PPARGC1A: variants seen among roughly 807,000 people sequenced by gnomAD.
PPARGC1A encodes peroxisome proliferator-activated receptor gamma coactivator 1-alpha.
In PPARGC1A, 25 loss-of-function variants were observed where a neutral mutation model predicts 88.7. The observed-to-expected ratio is 0.28, with a 90% confidence interval of 0.21 to 0.39. The LOEUF (loss-of-function observed/expected upper bound fraction) is 0.39, where lower values mean the gene tolerates loss of function less well. PPARGC1A is among the 10% of genes least tolerant of loss of function. PPARGC1A has a pLI of 1.00. For synonymous variants in PPARGC1A, 363 were observed against 355.6 expected, an observed-to-expected ratio of 1.02 and a Z score of -0.24; for missense variants, 880 against 968.7, an observed-to-expected ratio of 0.91 and a Z score of 1.22.
the PPARGC1A span, among the ~76,000 whole-genome samples, chr4:23,954,282 A>G: frequency 1.3e-5 from 2 of 152,142 alleles, no homozygotes; most frequent in African/African-American, 4.8e-5. Flanking sequence ...CTGTGTTGAT[A>G]CAGTTTTCAT....
At position 23,824,309 on chromosome 4, in the gene PPARGC1A, G is replaced by A. The variant is rs1380371641; in HGVS notation, c.848C>T (p.Thr283Ile). 1 of 1,613,454 alleles carries A rather than the reference G, an allele frequency of 6.2e-7. No homozygotes were observed. The highest frequency in any genetic ancestry group is 8.5e-7 in the Non-Finnish European group (1 of 1,179,640). Reference protein sequence around the residue: ...SPFENKTIERTLSVELSGTAG... With the variant: ...SPFENKTIERILSVELSGTAG... ...AGTTCCAGAGAGTTCCACACTTAAG[G>A]TGCGTTCAATAGTCTTGTTCTCAAA... The change falls in exon 7 of 13, where the codon ACC becomes ATC. Residue 283 changes from threonine (T) to isoleucine (I), a missense_variant. Transcript: ENST00000264867.
At chr4:24,460,744 T>A in the PPARGC1A span, among the ~76,000 whole-genome samples, 1 of 152,166 alleles carries the variant, frequency 6.6e-6, no homozygotes, top group Non-Finnish European at 1.5e-5. Flanking sequence ...AGGATTTCAT[T>A]AGCACTGCTT....
At chr4:24,352,597 G>A in the PPARGC1A span, among the ~76,000 whole-genome samples, 10 of 152,144 alleles carry the variant, frequency 6.6e-5, no homozygotes, top group Non-Finnish European at 1.2e-4. Context: ...CTGAGGACTC[G>A]GTTCAAAAGC....
chr4:23,844,281 G>T (rs1180385610), intron 2 of PPARGC1A, among the ~76,000 whole-genome samples: 1 of 142,266 alleles, frequency 7.0e-6, no homozygotes, highest in African/African-American at 2.6e-5. Flanking sequence ...TACAACTAAT[G>T]ACACAAGGCC....
the PPARGC1A span, among the ~76,000 whole-genome samples, chr4:24,346,740 T>C: frequency 2.0e-5 from 3 of 152,202 alleles, no homozygotes; most frequent in Non-Finnish European, 2.9e-5. Flanking sequence ...TTCATTTATC[T>C]TTTGTATTTT....
chr4:24,433,998 T>C, the PPARGC1A span, among the ~76,000 whole-genome samples: 1 of 152,224 alleles, frequency 6.6e-6, no homozygotes, highest in African/African-American at 2.4e-5. Context: ...GGACAACCTG[T>C]TGATTGCTAT....
At chr4:23,825,541 T>C (rs1723776556) in intron 5 of PPARGC1A, among the ~76,000 whole-genome samples, 1 of 152,152 alleles carries the variant, frequency 6.6e-6, no homozygotes, top group Non-Finnish European at 1.5e-5. Flanking sequence ...GGCCATAAAA[T>C]AGTTACTCAC....
At chr4:24,350,558 G>T in the PPARGC1A span, among the ~76,000 whole-genome samples, 1 of 152,044 alleles carries the variant, frequency 6.6e-6, no homozygotes, top group Non-Finnish European at 1.5e-5. Context: ...CCTACTGAAC[G>T]CATAAAACTG....
the PPARGC1A span, among the ~76,000 whole-genome samples, chr4:23,979,961 T>G: frequency 6.6e-6 from 1 of 152,010 alleles, no homozygotes; most frequent in Non-Finnish European, 1.5e-5. Flanking sequence ...GGTAGATGGC[T>G]CTCTCCTAGC....
the PPARGC1A span, among the ~76,000 whole-genome samples, chr4:23,974,200 T>C: frequency 1.3e-5 from 2 of 151,878 alleles, no homozygotes; most frequent in Non-Finnish European, 2.9e-5. Flanking sequence ...TGCTTAAGAA[T>C]GTGTGTGTGT....
chr4:24,120,746 C>T, the PPARGC1A span, among the ~76,000 whole-genome samples: 1 of 152,100 alleles, frequency 6.6e-6, no homozygotes, highest in East Asian at 1.9e-4. Flanking sequence ...ATGGAGACCC[C>T]TTCCCCTTTC....
the PPARGC1A span, among the ~76,000 whole-genome samples, chr4:24,159,247 T>A: frequency 7.0e-6 from 1 of 143,486 alleles, no homozygotes; most frequent in Non-Finnish European, 1.5e-5. Flanking sequence ...AGCCTCGCTC[T>A]GTTGCCAGGC....
the PPARGC1A span, among the ~76,000 whole-genome samples, chr4:24,201,277 G>C: frequency 2.0e-5 from 3 of 152,186 alleles, no homozygotes; most frequent in African/African-American, 7.2e-5. Context: ...AGTAACTGCA[G>C]AAAAGAACCT....
chr4:24,341,361 A>T, the PPARGC1A span, among the ~76,000 whole-genome samples: 3 of 152,122 alleles, frequency 2.0e-5, no homozygotes, highest in Non-Finnish European at 4.4e-5. Flanking sequence ...TTCAATACTA[A>T]GTTGATCCTT....
chr4:24,129,618 C>T, the PPARGC1A span, among the ~76,000 whole-genome samples: 3 of 152,010 alleles, frequency 2.0e-5, no homozygotes, highest in Admixed American at 2.0e-4. Flanking sequence ...CTAGAAATAC[C>T]ATTTGACCCA....
the PPARGC1A span, among the ~76,000 whole-genome samples, chr4:24,226,073 A>G: frequency 6.6e-6 from 1 of 152,044 alleles, no homozygotes; most frequent in Non-Finnish European, 1.5e-5. Context: ...TTGTCAGGTA[A>G]CCCTCCCATC....
the PPARGC1A span, among the ~76,000 whole-genome samples, chr4:24,073,003 G>GTA: frequency 6.6e-6 from 1 of 151,790 alleles, no homozygotes; most frequent in Non-Finnish European, 1.5e-5. Context: ...TTTTTCCCCA[G>GTA]TACACTGTCA....
At chr4:24,428,537 A>G in the PPARGC1A span, among the ~76,000 whole-genome samples, 3 of 152,228 alleles carry the variant, frequency 2.0e-5, no homozygotes, top group Non-Finnish European at 4.4e-5. Flanking sequence ...AGTTCACAAA[A>G]TATAAGGAAT....
At chr4:23,835,595 T>C (rs886218060) in intron 2 of PPARGC1A, among the ~76,000 whole-genome samples, 1 of 151,974 alleles carries the variant, frequency 6.6e-6, no homozygotes, top group Non-Finnish European at 1.5e-5. Context: ...CCATTACAAA[T>C]GATTATTCGA....
Sources: gnomAD v4.1 joint callset for allele counts (sites outside exome capture counted in the v4.1 genomes callset) on GRCh38, gnomAD v4.1.1 for gene constraint, MANE v1.5 for transcripts, NCBI Gene and HGNC (gene_info 2026-07-23, HGNC 2026-07-21) for gene names.